The following GMDS variants were observed in gnomAD, a reference collection of about 807,000 sequenced individuals.
GMDS encodes GDP-mannose 4,6-dehydratase.
A neutral mutation model predicts 49.9 loss-of-function variants in GMDS; 20 were observed. The ratio of observed to expected loss-of-function variants is 0.40; its 90% CI spans 0.28 to 0.58. The LOEUF (loss-of-function observed/expected upper bound fraction) is 0.58. Ranked by LOEUF, GMDS falls within the 20% of genes least tolerant of loss-of-function variation. GMDS has a pLI of 0.42. For missense variants in GMDS, 362 were observed against 481.4 expected, an observed-to-expected ratio of 0.75 and a Z score of 2.32; for synonymous variants, 177 against 178.6, an observed-to-expected ratio of 0.99 and a Z score of 0.07.
At chr6:1,812,268 C>G (rs540323797) in intron 7 of GMDS, among the ~76,000 whole-genome samples, 1 of 152,036 alleles carries the variant, frequency 6.6e-6, no homozygotes, top group African/African-American at 2.4e-5. Flanking sequence ...CACAGGACTC[C>G]GAGCACAGAG....
At chr6:2,015,771 C>A (rs1380205839) in intron 4 of GMDS, among the ~76,000 whole-genome samples, 1 of 152,104 alleles carries the variant, frequency 6.6e-6, no homozygotes, top group Admixed American at 6.6e-5. Context: ...AAATTTAATG[C>A]CTTTCCATCT....
chr6:1,960,595 T>C lies in GMDS; in HGVS notation c.538+179A>G, dbSNP rs545242331. On this transcript the variant is annotated intron_variant, in intron 5 of 10. Coordinates refer to ENST00000380815, the MANE Select transcript of GMDS (RefSeq NM_001500.4). ...GGCAATGGCAGCAAATACTTGTAGTTAGCAACGTATAAAGGTATGCTTCTC... is the reference window on the plus strand; with the variant it reads ...GGCAATGGCAGCAAATACTTGTAGTCAGCAACGTATAAAGGTATGCTTCTC... Among the ~76,000 whole-genome samples, 14 of 152,306 alleles carry C rather than the reference T, an allele frequency of 9.2e-5. 1 individual carries two copies. In the South Asian group the frequency reaches 2.9e-3, roughly 32 times the overall value.
rs569856505 is a variant in GMDS at position 1,800,221 on chromosome 6, A to G, written c.772-57635T>C. Among the ~76,000 whole-genome samples, 6 of 152,316 alleles carry G rather than the reference A, an allele frequency of 3.9e-5. No homozygotes were observed. In the East Asian group the frequency reaches 1.2e-3, roughly 29 times the overall value. Reference sequence around the variant, plus strand: ...AGGTCTAGTTTAAGTAACATGATATATGGAAATAAAGAAGCTTCCGATTCT... The same window carrying G: ...AGGTCTAGTTTAAGTAACATGATATGTGGAAATAAAGAAGCTTCCGATTCT... On this transcript the variant is annotated intron_variant, in intron 7 of 10. Coordinates refer to ENST00000380815, the MANE Select transcript of GMDS (RefSeq NM_001500.4).
chr6:1,796,163 G>C (rs1769725668), intron 7 of GMDS, among the ~76,000 whole-genome samples: 1 of 152,176 alleles, frequency 6.6e-6, no homozygotes, highest in Non-Finnish European at 1.5e-5. Flanking sequence ...CTGGGGAAGA[G>C]ATCCTGGAAT....
At chr6:1,691,014 T>C (rs1286010283) in intron 9 of GMDS, among the ~76,000 whole-genome samples, 1 of 152,216 alleles carries the variant, frequency 6.6e-6, no homozygotes, top group Non-Finnish European at 1.5e-5. Flanking sequence ...ACTGGGTATA[T>C]ACCCAAAGGA....
At chr6:2,068,386 A>C (rs1771754845) in intron 4 of GMDS, among the ~76,000 whole-genome samples, 1 of 151,842 alleles carries the variant, frequency 6.6e-6, no homozygotes, top group Non-Finnish European at 1.5e-5. Flanking sequence ...CACCACTCCT[A>C]TTCAACATAG....
At chr6:1,964,062 A>G (rs777208114) in intron 4 of GMDS, among the ~76,000 whole-genome samples, 2 of 152,218 alleles carry the variant, frequency 1.3e-5, no homozygotes, top group Non-Finnish European at 2.9e-5. Flanking sequence ...TAAAAGCCAG[A>G]TGCTCTGAGG....
chr6:2,042,856 A>G (rs1396057637), intron 4 of GMDS, among the ~76,000 whole-genome samples: 1 of 152,222 alleles, frequency 6.6e-6, no homozygotes, highest in East Asian at 1.9e-4. Context: ...GTTTCCTTAA[A>G]TTAAGACACT....
At chr6:2,188,678 T>G (rs988979007) in intron 1 of GMDS, among the ~76,000 whole-genome samples, 2 of 152,206 alleles carry the variant, frequency 1.3e-5, no homozygotes, top group African/African-American at 4.8e-5. Context: ...TACTGTCCCA[T>G]CATAATGATA....
chr6:2,007,840 G>GA (rs1419962296), intron 4 of GMDS, among the ~76,000 whole-genome samples: 1 of 152,250 alleles, frequency 6.6e-6, no homozygotes, highest in East Asian at 1.9e-4. Context: ...TATTTCAGGG[G>GA]AAAAATGTTC....
intron 8 of GMDS, among the ~76,000 whole-genome samples, chr6:1,737,536 TACACACCACACACACAGATACACAC>T (rs1342522659): frequency 7.4e-6 from 1 of 135,630 alleles, no homozygotes; most frequent in Non-Finnish European, 1.6e-5. Context: ...TACACACACA[TACACACCACACACACAGATACACAC>T]ACACACCACA....
chr6:2,138,255 T>A (rs1273243288), intron 1 of GMDS, among the ~76,000 whole-genome samples: 2 of 152,240 alleles, frequency 1.3e-5, no homozygotes, highest in Admixed American at 6.5e-5. Context: ...TTGAAATGTT[T>A]CAAATTTCAA....
chr6:1,888,131 A>ATT (rs1276994750), intron 7 of GMDS, among the ~76,000 whole-genome samples: 122 of 100,932 alleles, frequency 1.2e-3, no homozygotes, highest in Admixed American at 2.4e-3. Context: ...TATTATTATT[A>ATT]TTATTTTTTT....
At chr6:2,131,842 C>A (rs550649731) in intron 1 of GMDS, among the ~76,000 whole-genome samples, 2 of 149,442 alleles carry the variant, frequency 1.3e-5, no homozygotes, top group East Asian at 1.9e-4. Flanking sequence ...TTTATTTGAA[C>A]CTCTATTTTC....
intron 4 of GMDS, among the ~76,000 whole-genome samples, chr6:2,035,879 G>C (rs1192500244): frequency 6.6e-6 from 1 of 152,008 alleles, no homozygotes; most frequent in Non-Finnish European, 1.5e-5. Flanking sequence ...TAAAAACGGG[G>C]TTTCACCATG....
At chr6:1,638,636 C>A (rs1763237416) in intron 9 of GMDS, among the ~76,000 whole-genome samples, 1 of 151,846 alleles carries the variant, frequency 6.6e-6, no homozygotes, top group Non-Finnish European at 1.5e-5. Context: ...CTCAGAGCCA[C>A]CTGACATGGG....
chr6:1,852,025 T>C (rs1306000734), intron 7 of GMDS, among the ~76,000 whole-genome samples: 1 of 152,220 alleles, frequency 6.6e-6, no homozygotes, highest in Non-Finnish European at 1.5e-5. Flanking sequence ...CAAGGGTCCC[T>C]GAAGGGAGCG....
At chr6:1,805,996 G>C (rs1770161304) in intron 7 of GMDS, among the ~76,000 whole-genome samples, 1 of 152,120 alleles carries the variant, frequency 6.6e-6, no homozygotes, top group South Asian at 2.1e-4. Context: ...ATATATGTGG[G>C]TTCTGGGCTT....
At chr6:1,768,747 C>A (rs1768460073) in intron 7 of GMDS, among the ~76,000 whole-genome samples, 1 of 152,178 alleles carries the variant, frequency 6.6e-6, no homozygotes, top group Non-Finnish European at 1.5e-5. Flanking sequence ...TTTCTGTTCC[C>A]AAGCATTTCA....
Sources: gnomAD v4.1 joint callset for allele counts (sites outside exome capture counted in the v4.1 genomes callset) on GRCh38, gnomAD v4.1.1 for gene constraint, MANE v1.5 for transcripts, NCBI Gene and HGNC (gene_info 2026-07-23, HGNC 2026-07-21) for gene names.